Variants in UBAC2 observed in about 807,000 individuals in gnomAD.
UBAC2 encodes the protein ubiquitin-associated domain-containing protein 2.
A neutral mutation model predicts 44.0 loss-of-function variants in UBAC2; 26 were observed. That is an observed-to-expected ratio of 0.59 (90% CI 0.43 to 0.82). The LOEUF is 0.82. UBAC2 is among the 40% of genes least tolerant of loss of function. The probability of loss-of-function intolerance (pLI) is 0.00; values close to 1 mark genes in which losing one functional copy is unlikely to be tolerated. For missense variants in UBAC2, 329 were observed against 419.4 expected (o/e 0.78, Z 1.88); for synonymous variants, 155 against 154.3 (o/e 1.00, Z -0.04).
At chr13:99,271,870 T>A (rs975391005) in intron 4 of UBAC2, among the ~76,000 whole-genome samples, 1 of 152,114 alleles carries the variant, frequency 6.6e-6, no homozygotes, top group African/African-American at 2.4e-5. Flanking sequence ...TGGATTAGCT[T>A]TTATATTATT....
At chr13:99,208,375 T>TAA (rs2042899769) in intron 1 of UBAC2, among the ~76,000 whole-genome samples, 3 of 152,324 alleles carry the variant, frequency 2.0e-5, no homozygotes, top group Non-Finnish European at 4.4e-5. Flanking sequence ...TGACTTACCC[T>TAA]TTATGCTTTA....
intron 1 of UBAC2, chr13:99,201,313 C>T (rs2042794452): frequency 1.3e-6 from 2 of 1,494,998 alleles, no homozygotes; most frequent in Non-Finnish European, 1.8e-6. Flanking sequence ...CCTTACCATG[C>T]CCCATTCTTT....
chr13:99,255,374 AGTCTTTATCTGG>A (rs1566470921), intron 4 of UBAC2: 8 of 1,613,944 alleles, frequency 5.0e-6, no homozygotes, highest in African/African-American at 1.3e-5. Context: ...GCGGGAGTGG[AGTCTTTATCTGG>A]GTCTTTATAG....
At chr13:99,335,409 C>T (rs980728203) in intron 6 of UBAC2, among the ~76,000 whole-genome samples, 7 of 151,506 alleles carry the variant, frequency 4.6e-5, no homozygotes, top group Non-Finnish European at 1.0e-4. Flanking sequence ...CTTCATATGT[C>T]TCTCTTCATT....
chr13:99,313,437 C>G (rs1370862694), intron 4 of UBAC2: 1 of 152,054 alleles, frequency 6.6e-6, no homozygotes, highest in Non-Finnish European at 1.5e-5. Flanking sequence ...GTGAAGGTGT[C>G]AAATTGACAT....
At chr13:99,379,645 T>C (rs1288727764) in intron 8 of UBAC2, among the ~76,000 whole-genome samples, 2 of 152,212 alleles carry the variant, frequency 1.3e-5, no homozygotes, top group Non-Finnish European at 2.9e-5. Context: ...GCAGTGTTTC[T>C]CTATTTTTCA....
intron 1 of UBAC2, chr13:99,201,640 A>G (rs1355333287): frequency 1.3e-6 from 2 of 1,542,874 alleles, no homozygotes; most frequent in Non-Finnish European, 8.8e-7. Context: ...ACTTTCGGTA[A>G]GGTAGACTGC....
chr13:99,250,199 A>T (rs962473441), intron 4 of UBAC2, among the ~76,000 whole-genome samples: 1 of 152,206 alleles, frequency 6.6e-6, no homozygotes, highest in Admixed American at 6.5e-5. Context: ...TTGAAGTCTT[A>T]CATTTATATC....
chr13:99,331,206 C>T (rs1327691642), intron 6 of UBAC2, among the ~76,000 whole-genome samples: 4 of 152,194 alleles, frequency 2.6e-5, no homozygotes, highest in African/African-American at 9.6e-5. Context: ...TGAGAAGGCT[C>T]CTTAAAGTCG....
At chr13:99,250,187 G>A (rs2043440314) in intron 4 of UBAC2, among the ~76,000 whole-genome samples, 1 of 152,132 alleles carries the variant, frequency 6.6e-6, no homozygotes, top group South Asian at 2.1e-4. Flanking sequence ...GATTCTTATA[G>A]TTTGAAGTCT....
intron 1 of UBAC2, among the ~76,000 whole-genome samples, chr13:99,235,948 A>G (rs149080690): frequency 0.011 from 1,717 of 152,298 alleles, 14 homozygotes; most frequent in Non-Finnish European, 0.018. Flanking sequence ...AGCTTGGGCA[A>G]TAGAGTGAGA....
chr13:99,209,666 G>A (rs1334189145), intron 1 of UBAC2, among the ~76,000 whole-genome samples: 1 of 152,164 alleles, frequency 6.6e-6, no homozygotes, highest in African/African-American at 2.4e-5. Flanking sequence ...AAACTTCCAA[G>A]GAATATACTC....
chr13:99,268,004 C>T (rs939702095), intron 4 of UBAC2, among the ~76,000 whole-genome samples: 1 of 152,194 alleles, frequency 6.6e-6, no homozygotes, highest in Non-Finnish European at 1.5e-5. Flanking sequence ...TCCAAGGAGG[C>T]TCCATGGCTT....
At chr13:99,247,246 G>A (rs1223271397) in intron 4 of UBAC2, among the ~76,000 whole-genome samples, 3 of 150,286 alleles carry the variant, frequency 2.0e-5, no homozygotes, top group Admixed American at 6.6e-5. Context: ...ACGGAGTCTC[G>A]CTCTGTCGCC....
At chr13:99,251,928 T>C (rs1326180826) in intron 4 of UBAC2, among the ~76,000 whole-genome samples, 2 of 152,056 alleles carry the variant, frequency 1.3e-5, no homozygotes, top group East Asian at 3.9e-4. Flanking sequence ...ACCCCTTCCA[T>C]GTATTGCTTT....
chr13:99,237,175 A>G lies in UBAC2; in HGVS notation c.32-1252A>G, dbSNP rs150531989. 4.6e-3 allele frequency among the ~76,000 whole-genome samples: 705 copies of G among 152,056 alleles called. 2 individuals carry two copies. The highest frequency in any genetic ancestry group is 0.016 in the African/African-American group (653 of 41,474). On this transcript the variant is annotated intron_variant, in intron 1 of 8. Coordinates refer to ENST00000403766, the MANE Select transcript of UBAC2 (RefSeq NM_001144072.2). ...CCGGCCTTCTTTGTTGTATACTTCC[A>G]TCTTTATTGACTAGTTCCCTCTTTT... is the stretch of plus-strand genomic sequence containing the variant.
intron 4 of UBAC2, among the ~76,000 whole-genome samples, chr13:99,244,974 AGGCACGT>A (rs1420694889): frequency 1.3e-5 from 2 of 152,050 alleles, no homozygotes; most frequent in Non-Finnish European, 2.9e-5. Flanking sequence ...CTGGGACTAC[AGGCACGT>A]GCCACCATGC....
intron 4 of UBAC2, among the ~76,000 whole-genome samples, chr13:99,306,998 T>C (rs1009299563): frequency 2.0e-5 from 3 of 152,238 alleles, no homozygotes; most frequent in Admixed American, 6.5e-5. Flanking sequence ...TTCCTTTTCC[T>C]TCATACTAAG....
intron 7 of UBAC2, among the ~76,000 whole-genome samples, chr13:99,344,565 GTTTA>G (rs1296242745): frequency 1.2e-4 from 18 of 152,256 alleles, no homozygotes; most frequent in African/African-American, 3.9e-4. Flanking sequence ...TAGAATCTGA[GTTTA>G]TTTAGTCAGA....
Sources: allele counts gnomAD v4.1 joint callset (sites outside exome capture counted in the v4.1 genomes callset), GRCh38; gene constraint gnomAD v4.1.1; transcripts MANE v1.5; gene names NCBI Gene and HGNC (gene_info 2026-07-23, HGNC 2026-07-21).